Variants in FAP observed in about 807,000 individuals in gnomAD.
FAP encodes the protein prolyl endopeptidase FAP.
Under a neutral mutation model 126.5 loss-of-function variants are expected in FAP, and 110 were observed. The ratio of observed to expected loss-of-function variants is 0.87; its 90% CI spans 0.74 to 1.02. The LOEUF (loss-of-function observed/expected upper bound fraction) is 1.02. Ranked by LOEUF, FAP falls within the 50% of genes least tolerant of loss-of-function variation. The pLI is 0.00. For missense variants in FAP, 919 were observed against 909.2 expected (o/e 1.01, Z -0.14); for synonymous variants, 334 against 297.3 (o/e 1.12, Z -1.27).
intron 1 of FAP, 159 bp from the exon 2 acceptor site, chr2:162,243,151 G>T: frequency 1.2e-6 from 1 of 801,338 alleles, no homozygotes. Flanking sequence ...TTCCAGCTCT[G>T]CAAGGACAAA....
intron 2 of FAP, among the ~76,000 whole-genome samples, chr2:162,231,954 G>A (rs1294079036): frequency 6.6e-6 from 1 of 152,146 alleles, no homozygotes; most frequent in Non-Finnish European, 1.5e-5. Flanking sequence ...AGGGTCTAGG[G>A]CTCTCAGGGA....
chr2:162,189,554 G>T (rs764203568), intron 18 of FAP, 102 bp downstream of exon 18: 80 of 650,430 alleles, frequency 1.2e-4, no homozygotes, highest in Non-Finnish European at 2.0e-4. Flanking sequence ...AATATTAATA[G>T]ATCGCAGAAT....
intron 12 of FAP, among the ~76,000 whole-genome samples, chr2:162,204,460 G>A (rs1162128100): frequency 6.6e-6 from 1 of 152,122 alleles, no homozygotes; most frequent in Non-Finnish European, 1.5e-5. Context: ...TATTAAAGAG[G>A]GCCCTAACTC....
chr2:162,242,842 G>T lies in FAP; in HGVS notation c.91+66C>A, dbSNP rs896073281. 74 of 1,188,904 alleles carry T rather than the reference G, an allele frequency of 6.2e-5. No homozygotes were observed. The African/African-American group carries it at 1.0e-3, about 17-fold the overall frequency. The allele number at this position is 1,188,904 out of a possible 1,614,324, so 73.6% of individuals were successfully genotyped here. ...ACTTAGGAAATGTTCAACCACTTGT[G>T]ATCTTGCATTAGTACATTTTCCAAG... On this transcript the variant is annotated intron_variant, in intron 2 of 25. Coordinates refer to ENST00000188790, the MANE Select transcript of FAP (RefSeq NM_004460.5).
intron 2 of FAP, among the ~76,000 whole-genome samples, chr2:162,237,528 G>A (rs549071368): frequency 5.1e-4 from 77 of 152,212 alleles, no homozygotes; most frequent in Middle Eastern, 3.4e-3. Context: ...CTTCAGCCAC[G>A]TCCCTGCATG....
At position 162,170,684 on chromosome 2, in the gene FAP, T is replaced by C. The variant is rs528457012; in HGVS notation, c.*295A>G. 5.0e-5 allele frequency: 15 copies of C among 299,312 alleles called. No individual in the cohort carries two copies. The highest frequency in any genetic ancestry group is 4.2e-4 in the Admixed American group (9 of 21,216). 18.5% of individuals were successfully genotyped at this position (299,312 alleles called of 1,614,324 possible). ...AAATCAATGAATACAGACAACACAA[T>C]AGCACTTGAACTTCTGACTTTATTA... On this transcript the variant is annotated 3_prime_UTR_variant, in exon 26 of 26. Transcript: ENST00000188790.
At chr2:162,193,643 T>C (rs1368458483) in intron 17 of FAP, 4 of 152,172 alleles carry the variant, frequency 2.6e-5, no homozygotes, top group Non-Finnish European at 5.9e-5. Context: ...AGAAATATAA[T>C]CTGTTATTCT....
At chr2:162,219,275 G>A in intron 7 of FAP, 92 bp from the exon 8 acceptor site, 4 of 1,199,946 alleles carry the variant, frequency 3.3e-6, no homozygotes, top group Non-Finnish European at 4.5e-6. Flanking sequence ...TAAACAGAGT[G>A]GTAATAAAGA....
chr2:162,170,961 C>T lies in FAP; in HGVS notation c.*18G>A. The T allele has an allele frequency of 6.3e-7, 1 of 1,584,560 alleles. No homozygotes were observed. ...TAAGGTTTTCAGATTCTGATACAGG[C>T]TTGCATCTGCATCGTTTTTAGTCTG... On this transcript the variant is annotated 3_prime_UTR_variant, in exon 26 of 26. Coordinates refer to ENST00000188790, the MANE Select transcript of FAP (RefSeq NM_004460.5).
intron 12 of FAP, among the ~76,000 whole-genome samples, chr2:162,208,619 G>C (rs1489225685): frequency 6.6e-6 from 1 of 151,926 alleles, no homozygotes. Flanking sequence ...TTCTTTACTA[G>C]AAATATTTGT....
At chr2:162,198,273 G>A (rs1401436826) in intron 16 of FAP, 19 of 1,289,902 alleles carry the variant, frequency 1.5e-5, no homozygotes, top group Admixed American at 1.1e-4. Flanking sequence ...TGGGCATCTC[G>A]GGTTTCCAAG....
intron 2 of FAP, among the ~76,000 whole-genome samples, chr2:162,239,842 C>T (rs957459593): frequency 2.0e-5 from 3 of 152,142 alleles, no homozygotes; most frequent in Admixed American, 2.0e-4. Flanking sequence ...GAGGAATGGT[C>T]CAGGTATTCA....
chr2:162,179,054 G>T (rs1029612830), intron 21 of FAP, among the ~76,000 whole-genome samples: 3 of 151,984 alleles, frequency 2.0e-5, no homozygotes, highest in Non-Finnish European at 4.4e-5. Flanking sequence ...CCAAATCTCA[G>T]ATTATCCTCC....
chr2:162,209,951 C>T lies in FAP; in HGVS notation c.1047+1G>A. 3 of 1,612,512 alleles carry T rather than the reference C, an allele frequency of 1.9e-6. No homozygotes were observed. Among genetic ancestry groups the T allele is most frequent in the Non-Finnish European group, 2.5e-6 (3 of 1,179,178 alleles). ...ATAAGAAAAAGATAGCAAAATCATA[C>T]TCCACCAGCCCATCCAGTTCTGCTT... On this transcript the variant is annotated splice_donor_variant, in intron 12 of 25. Transcript: ENST00000188790. LOFTEE classifies it high-confidence loss of function.
chr2:162,218,030 C>A lies in FAP; in HGVS notation c.718G>T (p.Gly240Cys). The change falls in exon 9 of 26, where the codon GGC becomes TGC. Residue 240 changes from glycine (G) to cysteine (C), a missense_variant. Coordinates refer to ENST00000188790, the MANE Select transcript of FAP (RefSeq NM_004460.5). ...DIPVIAYSYYGDEQYPRTINI... is the reference protein window; with the variant it reads ...DIPVIAYSYYCDEQYPRTINI... ...ATTGTTCTAGGATATTGTTCATCGC[C>A]ATAATAGGAATAGGCAATAACTGGT... is the stretch of plus-strand genomic sequence containing the variant. The A allele has an allele frequency of 1.9e-6, 3 of 1,603,690 alleles. No individual in the cohort carries two copies. Among genetic ancestry groups the A allele is most frequent in the Non-Finnish European group, 2.6e-6 (3 of 1,175,000 alleles).
chr2:162,171,471 CA>C, intron 25 of FAP: 2 of 168,696 alleles, frequency 1.2e-5, no homozygotes, highest in South Asian at 1.5e-4. Context: ...CCTTGTAGCT[CA>C]AAAATTCCAT....
chr2:162,198,944 ACTC>A, intron 15 of FAP, 63 bp from the exon 16 acceptor site: 1 of 1,446,446 alleles, frequency 6.9e-7, no homozygotes, highest in Admixed American at 1.7e-5. Context: ...AAAATGTACT[ACTC>A]CATGTAAAGT....
chr2:162,189,216 T>G, intron 18 of FAP, 44 bp from the exon 19 acceptor site: 1 of 1,157,898 alleles, frequency 8.6e-7, no homozygotes. Flanking sequence ...TCCACAGCAC[T>G]AGTAGCATCA....
At chr2:162,197,712 C>T (rs1688308544) in intron 16 of FAP, 1 of 451,538 alleles carries the variant, frequency 2.2e-6, no homozygotes, top group South Asian at 1.6e-5. Context: ...ATTCTGGTTC[C>T]CTTTATGAGA....
Sources: allele counts gnomAD v4.1 joint callset (sites outside exome capture counted in the v4.1 genomes callset), GRCh38; gene constraint gnomAD v4.1.1; transcripts MANE v1.5; gene names NCBI Gene and HGNC (gene_info 2026-07-23, HGNC 2026-07-21).